Variants in TMEM33 observed in about 807,000 individuals in gnomAD.
TMEM33 encodes the protein transmembrane protein 33.
A neutral mutation model predicts 29.7 loss-of-function variants in TMEM33; 16 were observed. The observed-to-expected ratio is 0.54, with a 90% CI of 0.36 to 0.82. The LOEUF (loss-of-function observed/expected upper bound fraction) is 0.82. Ranked by LOEUF, TMEM33 falls within the 40% of genes least tolerant of loss-of-function variation. The probability of loss-of-function intolerance (pLI) is 0.00; values close to 1 mark genes in which losing one functional copy is unlikely to be tolerated. For missense variants in TMEM33, 252 were observed against 295.3 expected (o/e 0.85, Z 1.08); for synonymous variants, 112 against 109.4 (o/e 1.02, Z -0.15).
intron 1 of TMEM33, 88 bp downstream of exon 1, chr4:41,935,617 C>G: frequency 7.5e-7 from 1 of 1,336,186 alleles, no homozygotes; most frequent in Non-Finnish European, 1.0e-6. Context: ...GTTCCAGAAG[C>G]TCAGTGCATT....
intron 4 of TMEM33, 55 bp downstream of exon 4, chr4:41,943,869 T>G (rs553103094): frequency 1.6e-5 from 24 of 1,536,220 alleles, no homozygotes; most frequent in African/African-American, 2.7e-5. Flanking sequence ...TGACATGAAT[T>G]TGAGTTCTAA....
At chr4:41,953,744 T>C in intron 6 of TMEM33, 2 of 460,916 alleles carry the variant, frequency 4.3e-6, no homozygotes, top group Middle Eastern at 4.1e-4. Context: ...AACTGCTTCA[T>C]CTTATATTTG....
At chr4:41,942,835 A>G (rs188200754) in intron 3 of TMEM33, among the ~76,000 whole-genome samples, 2 of 152,342 alleles carry the variant, frequency 1.3e-5, no homozygotes, top group East Asian at 1.9e-4. Flanking sequence ...TCAATTGACT[A>G]TATACAAAGC....
At chr4:41,939,720 G>C (rs116509699) in intron 3 of TMEM33, 8,450 of 460,400 alleles carry the variant, frequency 0.018, 104 homozygotes, top group South Asian at 0.023. Context: ...TTTTGGCAAA[G>C]TGTCCAGATG....
rs1713402100 is a variant in TMEM33, at chr4:41,959,661, T to G, written c.*5462T>G. 1 of 152,234 alleles carries G rather than the reference T, an allele frequency of 6.6e-6. No homozygotes were observed. The allele number at this position is 152,234 out of a possible 1,614,324, so 9.4% of individuals were successfully genotyped here. On this transcript the variant is annotated 3_prime_UTR_variant, in exon 7 of 7. Transcript: ENST00000504986. Reference sequence around the variant, plus strand: ...ATTCCAAATATTTACTATTTTCTCTTGTAACTGTTAGAACAGTTCCTTTTG... The same window carrying G: ...ATTCCAAATATTTACTATTTTCTCTGGTAACTGTTAGAACAGTTCCTTTTG...
chr4:41,935,612 A>G (rs1712190947), intron 1 of TMEM33, 83 bp downstream of exon 1: 6 of 1,396,050 alleles, frequency 4.3e-6, no homozygotes, highest in East Asian at 4.9e-5. Flanking sequence ...GAGGCGTTCC[A>G]GAAGCTCAGT....
At chr4:41,943,841 T>C (rs781070668) in intron 4 of TMEM33, 27 bp downstream of exon 4, 7 of 1,601,516 alleles carry the variant, frequency 4.4e-6, no homozygotes, top group Non-Finnish European at 4.3e-6. Flanking sequence ...TTTGTCTGAC[T>C]TCTGAATTAC....
chr4:41,951,948 A>C (rs1250705271), intron 6 of TMEM33, among the ~76,000 whole-genome samples: 1 of 152,218 alleles, frequency 6.6e-6, no homozygotes, highest in Non-Finnish European at 1.5e-5. Flanking sequence ...TGAAGATTGT[A>C]ACATAGAGAG....
At chr4:41,953,694 T>C (rs1215494715) in intron 6 of TMEM33, 1 of 454,772 alleles carries the variant, frequency 2.2e-6, no homozygotes, top group Non-Finnish European at 4.4e-6. Context: ...TAGGTAGGTC[T>C]GAGGAGAGGG....
intron 3 of TMEM33, among the ~76,000 whole-genome samples, chr4:41,940,046 CTTTTTTTTTTTT>C (rs71650953): frequency 3.1e-4 from 25 of 81,368 alleles, no homozygotes; most frequent in African/African-American, 1.2e-3. Context: ...GTTAAACTTT[CTTTTTTTTTTTT>C]TTTTTTTTTT....
chr4:41,937,870 A>T (rs1712319885), intron 1 of TMEM33, among the ~76,000 whole-genome samples: 1 of 152,078 alleles, frequency 6.6e-6, no homozygotes, highest in African/African-American at 2.4e-5. Context: ...GGGGGAAGAA[A>T]ATGGTATAGG....
At chr4:41,943,409 C>T (rs1404035002) in intron 3 of TMEM33, among the ~76,000 whole-genome samples, 1 of 151,968 alleles carries the variant, frequency 6.6e-6, no homozygotes, top group Non-Finnish European at 1.5e-5. Context: ...CCTATAATCC[C>T]AGCTACTCGG....
Position 41,944,932 on chromosome 4 carries a change from G to A in TMEM33, c.530+6G>A, listed in dbSNP as rs374423691. 5.2e-5 allele frequency: 83 copies of A among 1,606,524 alleles called. No homozygotes were observed. Among genetic ancestry groups the A allele is most frequent in the Non-Finnish European group, 6.1e-5 (72 of 1,178,376 alleles). On this transcript the variant is annotated splice_donor_region_variant and intron_variant, in intron 5 of 6. Transcript: ENST00000504986. Reference sequence around the variant, plus strand: ...ACAGTTTTTATGCTTTTTAGGTAAGGAAAAATTATATTTGTTTTGGGAGGC... The same window carrying A: ...ACAGTTTTTATGCTTTTTAGGTAAGAAAAAATTATATTTGTTTTGGGAGGC...
chr4:41,938,331 T>C (rs1712349306), intron 1 of TMEM33, among the ~76,000 whole-genome samples: 1 of 152,248 alleles, frequency 6.6e-6, no homozygotes, highest in Admixed American at 6.5e-5. Flanking sequence ...AATTAGTCTT[T>C]GCATTTTTTT....
At chr4:41,935,157 C>G (rs938687114), upstream of TMEM33, 2 of 455,286 alleles carry the variant, frequency 4.4e-6, no homozygotes, top group Non-Finnish European at 7.9e-6. Flanking sequence ...TCGGCAATAA[C>G]CTGGAGCCGG....
In TMEM33 at chr4:41,954,514, G is replaced by C. The variant is rs1454018172; in HGVS notation, c.*315G>C. On this transcript the variant is annotated 3_prime_UTR_variant, in exon 7 of 7. Transcript: ENST00000504986. ...ATTAATTTCTCATGTAAAAAAAATA[G>C]CTCTAAAATTTGTTTCAACCTAATT... 1 of 172,716 alleles carries C rather than the reference G, an allele frequency of 5.8e-6. No individual in the cohort carries two copies. The highest frequency in any genetic ancestry group is 2.4e-5 in the African/African-American group (1 of 42,004). 10.7% of individuals were successfully genotyped at this position (172,716 alleles called of 1,614,324 possible).
Position 41,957,425 on chromosome 4 carries a change from A to G in TMEM33, c.*3226A>G, listed in dbSNP as rs1013617366. 1 of 152,076 alleles carries G rather than the reference A, an allele frequency of 6.6e-6. No homozygotes were observed. The highest frequency in any genetic ancestry group is 1.5e-5 in the Non-Finnish European group (1 of 67,988). 9.4% of individuals were successfully genotyped at this position (152,076 alleles called of 1,614,324 possible). ...ACTAAGCTAAAAGTTATGAAAAATT[A>G]ATAGGTTCTTTTATAGAGCTAAGAA... On this transcript the variant is annotated 3_prime_UTR_variant, in exon 7 of 7. Coordinates refer to ENST00000504986, the MANE Select transcript of TMEM33 (RefSeq NM_018126.3).
intron 1 of TMEM33, among the ~76,000 whole-genome samples, chr4:41,938,054 G>T (rs544192946): frequency 6.6e-6 from 1 of 152,320 alleles, no homozygotes; most frequent in East Asian, 1.9e-4. Context: ...CAAGGCGAAT[G>T]AGTTTAGTTG....
Position 41,946,536 on chromosome 4 carries a change from T to G in TMEM33, c.530+1610T>G, listed in dbSNP as rs183402386. On this transcript the variant is annotated intron_variant, in intron 5 of 6. Coordinates refer to ENST00000504986, the MANE Select transcript of TMEM33 (RefSeq NM_018126.3). ...TTAAGTAGTGCTTTCTTCTGAGAAC[T>G]CCAGGACTGGCTGGTGTTGCTTAAG... Among the ~76,000 whole-genome samples, 513 of 152,290 alleles carry G rather than the reference T, an allele frequency of 3.4e-3. 1 individual carries two copies. The highest frequency in any genetic ancestry group is 0.031 in the Middle Eastern group (9 of 294).
Sources: gnomAD v4.1 joint callset for allele counts (sites outside exome capture counted in the v4.1 genomes callset) on GRCh38, gnomAD v4.1.1 for gene constraint, MANE v1.5 for transcripts, NCBI Gene and HGNC (gene_info 2026-07-23, HGNC 2026-07-21) for gene names.